Variants in WNT2B observed in about 807,000 individuals in gnomAD.
WNT2B encodes the protein protein Wnt-2b.
WNT2B carries 19 observed loss-of-function variants against 40.5 expected under a neutral mutation model. The ratio of observed to expected loss-of-function variants is 0.47; its 90% CI spans 0.33 to 0.69. The LOEUF (loss-of-function observed/expected upper bound fraction) is 0.69, where lower values mean the gene tolerates loss of function less well. Ranked by LOEUF, WNT2B falls within the 30% of genes least tolerant of loss-of-function variation. The pLI is 0.02. For missense variants in WNT2B, 467 were observed against 556.4 expected, an observed-to-expected ratio of 0.84 and a Z score of 1.62; for synonymous variants, 220 against 211.9, an observed-to-expected ratio of 1.04 and a Z score of -0.33.
rs570788785 is a variant in WNT2B at position 112,515,454 on chromosome 1, C to A, written c.403+360C>A. Among the ~76,000 whole-genome samples, 1 of 152,248 alleles carries A rather than the reference C, an allele frequency of 6.6e-6. No individual in the cohort carries two copies. The highest frequency in any genetic ancestry group is 6.5e-5 in the Admixed American group (1 of 15,302). On this transcript the variant is annotated intron_variant, in intron 2 of 4. Coordinates refer to ENST00000369684, the MANE Select transcript of WNT2B (RefSeq NM_024494.3). This position sits in a 1 kb window ranked among gnomAD's most constrained non-coding sequence, Gnocchi z 4.4. ...CTGTTCTTAACACCACCATCACTAT[C>A]GTCACCCCAACACTCCCAACACTAC...
chr1:112,508,332 C>T (rs1183144286), upstream of WNT2B, among the ~76,000 whole-genome samples: 1 of 150,904 alleles, frequency 6.6e-6, no homozygotes, highest in South Asian at 2.1e-4. The surrounding 1 kb of genome is among the most constrained non-coding windows in gnomAD (Gnocchi z 4.2). Flanking sequence ...AAGAAAAGCA[C>T]CCGGGCCGGG....
chr1:112,499,790 T>C (rs1651890045), intron 1 of WNT2B, among the ~76,000 whole-genome samples: 1 of 152,228 alleles, frequency 6.6e-6, no homozygotes, highest in Admixed American at 6.5e-5. Flanking sequence ...TAACTCAGAC[T>C]CCAGAATTGT....
In WNT2B at chr1:112,515,141, G is replaced by A. The variant is rs1339838407; in HGVS notation, c.403+47G>A. 8 of 1,587,580 alleles carry A rather than the reference G, an allele frequency of 5.0e-6. No homozygotes were observed. Among genetic ancestry groups the A allele is most frequent in the Non-Finnish European group, 6.9e-6 (8 of 1,164,920 alleles). ...TGTCAGCTCCTTCCCTTTCTGTGCT[G>A]GGGGTGGTGAGTGGGAAGAGTAGGC... On this transcript the variant is annotated intron_variant, in intron 2 of 4. Transcript: ENST00000369684. This position sits in a 1 kb window ranked among gnomAD's most constrained non-coding sequence, Gnocchi z 4.4.
intron 1 of WNT2B, among the ~76,000 whole-genome samples, chr1:112,473,958 G>A (rs1403587758): frequency 5.3e-5 from 8 of 149,816 alleles, no homozygotes; most frequent in Non-Finnish European, 1.0e-4. Context: ...CCAGCTACTC[G>A]GGAAGCTGAG....
chr1:112,495,588 CAA>C (rs1172484242), intron 1 of WNT2B, among the ~76,000 whole-genome samples: 22 of 94,498 alleles, frequency 2.3e-4, no homozygotes, highest in East Asian at 3.7e-4. Context: ...GACTCTGTCT[CAA>C]AAAAAAAAAA....
intron 1 of WNT2B, among the ~76,000 whole-genome samples, chr1:112,498,654 A>T (rs1651854301): frequency 6.6e-6 from 1 of 152,084 alleles, no homozygotes; most frequent in Non-Finnish European, 1.5e-5. Context: ...TGTAACAAAG[A>T]TGGCCTTTCC....
intron 1 of WNT2B, among the ~76,000 whole-genome samples, chr1:112,494,103 A>C (rs886939692): frequency 6.6e-6 from 1 of 151,582 alleles, no homozygotes; most frequent in African/African-American, 2.4e-5. Context: ...TGAGATCAGG[A>C]GTTCAAGACC....
At chr1:112,495,273 G>T (rs917845701) in intron 1 of WNT2B, among the ~76,000 whole-genome samples, 1 of 148,416 alleles carries the variant, frequency 6.7e-6, no homozygotes. Flanking sequence ...TAACAAATAT[G>T]GTAGATATAA....
intron 1 of WNT2B, among the ~76,000 whole-genome samples, chr1:112,494,918 G>A (rs1045685178): frequency 2.6e-5 from 4 of 151,486 alleles, no homozygotes; most frequent in Non-Finnish European, 4.4e-5. Flanking sequence ...AATAGCAATA[G>A]TATATTTGAT....
At chr1:112,519,491 CT>C (rs531068195) in intron 4 of WNT2B, among the ~76,000 whole-genome samples, 626 of 152,210 alleles carry the variant, frequency 4.1e-3, no homozygotes, top group Non-Finnish European at 6.4e-3. Context: ...ATCCAAAAGT[CT>C]ATTGATTTTA....
At chr1:112,488,552 TG>T (rs1651491175) in intron 1 of WNT2B, among the ~76,000 whole-genome samples, 2 of 148,562 alleles carry the variant, frequency 1.3e-5, no homozygotes, top group Admixed American at 6.7e-5. Context: ...ATTTACTTAC[TG>T]TTTTTTTTTT....
intron 1 of WNT2B, chr1:112,490,986 C>T (rs779001066): frequency 1.5e-5 from 24 of 1,607,862 alleles, no homozygotes; most frequent in Admixed American, 8.4e-5. Context: ...TGTTAAATTG[C>T]GCCTGTGTTT....
intron 1 of WNT2B, among the ~76,000 whole-genome samples, chr1:112,471,627 G>A (rs1214621244): frequency 1.3e-5 from 2 of 152,184 alleles, no homozygotes; most frequent in South Asian, 2.1e-4. Flanking sequence ...AATAGGAATA[G>A]CTTCTAGGAA....
chr1:112,473,126 AAAGAG>A lies in WNT2B; in HGVS notation c.-95+5538_-95+5542del, dbSNP rs1239067223. On this transcript the variant is annotated intron_variant, in intron 1 of 4. Coordinates refer to the WNT2B transcript ENST00000256640. Reference sequence around the variant, plus strand: ...GGAAGGAAGGGAAAAAAGAAAGAAAAAAGAGAAAGAAAGAAGAAGGAAGGAAGGAA... The same window carrying A: ...GGAAGGAAGGGAAAAAAGAAAGAAAAAAAGAAAGAAGAAGGAAGGAAGGAA... 9.2e-3 allele frequency among the ~76,000 whole-genome samples: 1,054 copies of A among 114,370 alleles called. 12 individuals are homozygous for A. The highest frequency in any genetic ancestry group is 0.037 in the African/African-American group (990 of 26,832). The allele number at this position is 114,370 out of a possible 152,430, so 75.0% of individuals were successfully genotyped here.
At chr1:112,507,641 C>T (rs932158986), upstream of WNT2B, among the ~76,000 whole-genome samples, 5 of 152,210 alleles carry the variant, frequency 3.3e-5, no homozygotes, top group South Asian at 2.1e-4. Flanking sequence ...TGCTTACACT[C>T]GGGAGGCACC....
intron 1 of WNT2B, among the ~76,000 whole-genome samples, chr1:112,475,039 C>G (rs1250129736): frequency 6.6e-6 from 1 of 152,198 alleles, no homozygotes; most frequent in African/African-American, 2.4e-5. Context: ...GTACAGCCAA[C>G]AGAACCATGA....
rs1300027091 is a variant in WNT2B at position 112,509,327 on chromosome 1, TCCCTGTGCCGTCGCCCGCGGC to T, written c.69_89del (p.Val24_Pro30del). ...CCGCTTCGGCGCGCCAGCGCCCCGGTCCCTGTGCCGTCGCCCGCGGCCCCCGACGGCTCCCGGGCTTCGGCC... is the reference window on the plus strand; with the variant it reads ...CCGCTTCGGCGCGCCAGCGCCCCGGTCCCCGACGGCTCCCGGGCTTCGGCC... On this transcript the variant is annotated inframe_deletion, in exon 1 of 5. Coordinates refer to ENST00000369684, the MANE Select transcript of WNT2B (RefSeq NM_024494.3). The surrounding 1 kb of genome is among the most constrained non-coding windows in gnomAD (Gnocchi z 4.2). The T allele has an allele frequency of 6.3e-7, 1 of 1,585,296 alleles. No homozygotes were observed. Among genetic ancestry groups the T allele is most frequent in the African/African-American group, 1.4e-5 (1 of 73,062 alleles).
intron 1 of WNT2B, among the ~76,000 whole-genome samples, chr1:112,498,853 A>G (rs969009070): frequency 2.0e-5 from 3 of 152,068 alleles, no homozygotes; most frequent in East Asian, 1.9e-4. Flanking sequence ...ATTCACACCA[A>G]TGTAAGTTTT....
At position 112,509,866 on chromosome 1, in the gene WNT2B, G is replaced by T. The variant is rs753310975; in HGVS notation, c.182+422G>T. Among the ~76,000 whole-genome samples, 2 of 152,192 alleles carry T rather than the reference G, an allele frequency of 1.3e-5. No homozygotes were observed. Among genetic ancestry groups the T allele is most frequent in the Non-Finnish European group, 2.9e-5 (2 of 68,036 alleles). ...TGAGAGGTGGAGAAAGGGGCAGCTC[G>T]CTAGTCTAGCCCACCCATACCACAG... On this transcript the variant is annotated intron_variant, in intron 1 of 4. Coordinates refer to ENST00000369684, the MANE Select transcript of WNT2B (RefSeq NM_024494.3). This position sits in a 1 kb window ranked among gnomAD's most constrained non-coding sequence, Gnocchi z 4.2.
Sources: gnomAD v4.1 joint callset for allele counts (sites outside exome capture counted in the v4.1 genomes callset) on GRCh38, gnomAD v4.1.1 for gene constraint, Gnocchi (gnomAD v3.1) non-coding constraint, MANE v1.5 for transcripts, NCBI Gene and HGNC (gene_info 2026-07-23, HGNC 2026-07-21) for gene names.